SLCO1B1: variants seen among roughly 807,000 people sequenced by gnomAD.
The protein encoded by SLCO1B1 is OATP-2.
A neutral mutation model predicts 70.1 loss-of-function variants in SLCO1B1; 81 were observed. The ratio of observed to expected loss-of-function variants is 1.16; its 90% CI spans 0.97 to 1.39. The LOEUF (loss-of-function observed/expected upper bound fraction) is 1.39. Ranked by LOEUF, SLCO1B1 falls within the 40% of genes most tolerant of loss-of-function variation. The probability of loss-of-function intolerance (pLI) is 0.00; values close to 1 mark genes in which losing one functional copy is unlikely to be tolerated. For synonymous variants in SLCO1B1, 283 were observed against 271.5 expected (o/e 1.04, Z -0.42); for missense variants, 895 against 799.6 (o/e 1.12, Z -1.44).
chr12:21,152,551 T>TTTTTTTTTTTTTTTTC (rs1940487745), intron 2 of SLCO1B1, among the ~76,000 whole-genome samples: 1 of 142,200 alleles, frequency 7.0e-6, no homozygotes, highest in Non-Finnish European at 1.5e-5. Flanking sequence ...TTTTTTTTTT[T>TTTTTTTTTTTTTTTTC]GCCTCTGGAC....
intron 1 of SLCO1B1, among the ~76,000 whole-genome samples, chr12:21,137,159 C>T (rs991508011): frequency 3.9e-5 from 6 of 152,138 alleles, no homozygotes; most frequent in Admixed American, 2.6e-4. Flanking sequence ...ATTGGTGAAC[C>T]ACAAATGCTG....
At chr12:21,231,538 T>C (rs904511959) in intron 14 of SLCO1B1, among the ~76,000 whole-genome samples, 2 of 151,848 alleles carry the variant, frequency 1.3e-5, no homozygotes, top group African/African-American at 4.8e-5. Context: ...AAAGACAGAC[T>C]GAGGAAATAA....
chr12:21,192,302 C>T (rs542932056), intron 7 of SLCO1B1, among the ~76,000 whole-genome samples: 1 of 151,864 alleles, frequency 6.6e-6, no homozygotes, highest in South Asian at 2.1e-4. Context: ...TTGTAAATCT[C>T]TTTATATTTT....
intron 14 of SLCO1B1, among the ~76,000 whole-genome samples, chr12:21,231,058 T>G (rs1245086877): frequency 6.8e-6 from 1 of 146,916 alleles, no homozygotes; most frequent in Non-Finnish European, 1.5e-5. Flanking sequence ...CACCTATGAG[T>G]GAAAACATGT....
At chr12:21,154,679 T>C (rs564763445) in intron 2 of SLCO1B1, among the ~76,000 whole-genome samples, 1 of 152,234 alleles carries the variant, frequency 6.6e-6, no homozygotes, top group South Asian at 2.1e-4. Flanking sequence ...TTTTAAGACA[T>C]TGAGAAAATT....
chr12:21,156,386 T>C (rs1286554242), intron 2 of SLCO1B1, among the ~76,000 whole-genome samples: 1 of 152,162 alleles, frequency 6.6e-6, no homozygotes, highest in Non-Finnish European at 1.5e-5. Context: ...TCTAATGATA[T>C]AGGCAACTGC....
At chr12:21,212,294 T>G (rs1410639728) in intron 11 of SLCO1B1, among the ~76,000 whole-genome samples, 2 of 93,462 alleles carry the variant, frequency 2.1e-5, no homozygotes, top group Non-Finnish European at 4.3e-5. Context: ...AAAGAACATC[T>G]TTATTTCTGC....
At chr12:21,169,151 G>C (rs1565671730) in intron 2 of SLCO1B1, among the ~76,000 whole-genome samples, 1 of 152,056 alleles carries the variant, frequency 6.6e-6, no homozygotes, top group Non-Finnish European at 1.5e-5. Flanking sequence ...ATGGTGTTTT[G>C]CTGCTTCTTT....
At chr12:21,192,695 C>G (rs1247077606) in intron 7 of SLCO1B1, among the ~76,000 whole-genome samples, 2 of 151,162 alleles carry the variant, frequency 1.3e-5, no homozygotes, top group Non-Finnish European at 3.0e-5. Flanking sequence ...TAAGATAATT[C>G]TTTACTTTTT....
chr12:21,176,257 G>A (rs573237804), intron 4 of SLCO1B1, among the ~76,000 whole-genome samples: 25 of 152,084 alleles, frequency 1.6e-4, no homozygotes, highest in East Asian at 1.2e-3. Context: ...AGCTCACGTG[G>A]TACCTAATTA....
At chr12:21,203,342 G>C (rs1310321892) in intron 10 of SLCO1B1, among the ~76,000 whole-genome samples, 1 of 151,984 alleles carries the variant, frequency 6.6e-6, no homozygotes, top group African/African-American at 2.4e-5. Context: ...GTATAGCAAA[G>C]TATTTTTAGT....
chr12:21,225,745 C>A (rs1346045018), intron 14 of SLCO1B1, among the ~76,000 whole-genome samples: 1 of 152,116 alleles, frequency 6.6e-6, no homozygotes, highest in African/African-American at 2.4e-5. Context: ...CCAATGCTGG[C>A]AAGGATGCAA....
At chr12:21,210,189 T>G (rs1941264814) in intron 11 of SLCO1B1, among the ~76,000 whole-genome samples, 1 of 142,826 alleles carries the variant, frequency 7.0e-6, no homozygotes, top group African/African-American at 2.6e-5. Context: ...TTTTATGGTT[T>G]TAGGTCTAAC....
intron 1 of SLCO1B1, among the ~76,000 whole-genome samples, chr12:21,137,725 G>C (rs1453137358): frequency 6.6e-6 from 1 of 152,164 alleles, no homozygotes; most frequent in African/African-American, 2.4e-5. Context: ...AATTTTCCAG[G>C]TGCCGTCTGT....
chr12:21,138,965 T>C (rs1940268930), intron 1 of SLCO1B1, among the ~76,000 whole-genome samples: 1 of 152,232 alleles, frequency 6.6e-6, no homozygotes, highest in African/African-American at 2.4e-5. Context: ...TAAAGGGATC[T>C]TTGAAAGATT....
chr12:21,239,053 T>G lies in SLCO1B1; in HGVS notation c.1940T>G (p.Met647Arg). The G allele has an allele frequency of 6.3e-7, 1 of 1,595,358 alleles. No homozygotes were observed. The highest frequency in any genetic ancestry group is 8.6e-7 in the Non-Finnish European group (1 of 1,164,202). ...LVLYIILIYA[M>R]KKKYQEKDIN... The stretch of plus-strand genomic sequence containing the variant: ...TTATATATTATATTAATTTATGCCA[T>G]GAAGAAAAAATATCAAGAGAAAGAT... The change falls in exon 15 of 15, where the codon ATG (methionine) becomes AGG (arginine). Residue 647 changes from methionine to arginine, a missense_variant. Physicochemically the swap from Met to Arg is moderately conservative, Grantham distance 91. Transcript: ENST00000256958.
chr12:21,231,140 A>G (rs1245106628), intron 14 of SLCO1B1, among the ~76,000 whole-genome samples: 1 of 151,942 alleles, frequency 6.6e-6, no homozygotes, highest in African/African-American at 2.4e-5. Context: ...ATGTCCCTAC[A>G]AAGGACATGA....
chr12:21,174,389 T>TC (rs2121100638), intron 3 of SLCO1B1, among the ~76,000 whole-genome samples, 188 bp from the exon 4 acceptor site: 2 of 152,158 alleles, frequency 1.3e-5, no homozygotes, highest in South Asian at 4.1e-4. Context: ...CAAGTGCTTT[T>TC]TTTTTGTATT....
At chr12:21,220,460 A>G (rs1351124030) in intron 12 of SLCO1B1, among the ~76,000 whole-genome samples, 1 of 152,060 alleles carries the variant, frequency 6.6e-6, no homozygotes, top group Admixed American at 6.6e-5. Flanking sequence ...GCTCACTGTA[A>G]CCTTGAATGC....
Sources: gnomAD v4.1 joint callset for allele counts (sites outside exome capture counted in the v4.1 genomes callset) on GRCh38, gnomAD v4.1.1 for gene constraint, MANE v1.5 for transcripts, NCBI Gene and HGNC (gene_info 2026-07-23, HGNC 2026-07-21) for gene names.